Variants in KIAA1671 observed in about 807,000 individuals in gnomAD.
KIAA1671 encodes the protein uncharacterized protein KIAA1671.
Under a neutral mutation model 131.2 loss-of-function variants are expected in KIAA1671, and 52 were observed. The ratio of observed to expected loss-of-function variants is 0.40; its 90% confidence interval spans 0.32 to 0.50. The LOEUF is 0.50. Among genes scored for constraint, KIAA1671 ranks in the 20% least tolerant of loss-of-function variants. KIAA1671 has a pLI of 0.73. For missense variants in KIAA1671, 2,360 were observed against 2,364.2 expected (o/e 1.00, Z 0.04); for synonymous variants, 1,003 against 961.6 (o/e 1.04, Z -0.80).
At chr22:25,148,676 C>T (rs2145973326) in intron 6 of KIAA1671, among the ~76,000 whole-genome samples, 1 of 152,292 alleles carries the variant, frequency 6.6e-6, no homozygotes, top group South Asian at 2.1e-4. Flanking sequence ...TGGGAGCTTC[C>T]AGCTCACCTG....
chr22:25,158,231 A>C (rs1933310196), intron 6 of KIAA1671, among the ~76,000 whole-genome samples: 1 of 152,226 alleles, frequency 6.6e-6, no homozygotes, highest in African/African-American at 2.4e-5. Context: ...GTCTGGGTAA[A>C]TAGCAGTGTC....
chr22:25,172,347 C>T (rs183193809), intron 7 of KIAA1671, among the ~76,000 whole-genome samples: 80 of 152,292 alleles, frequency 5.3e-4, no homozygotes, highest in African/African-American at 1.9e-3. Context: ...TCGGGCCACC[C>T]CAGGAGCATG....
Position 25,194,818 on chromosome 22 carries a change from C to T in KIAA1671, c.*2417C>T, listed in dbSNP as rs568306787. On this transcript the variant is annotated 3_prime_UTR_variant, in exon 13 of 13. Transcript: ENST00000358431. ...AGAGCGACCCTCTTTCACGTGGGCT[C>T]TGCCATGACCTCTGAGACCTGCTTA... 14 of 152,290 alleles carry T rather than the reference C, an allele frequency of 9.2e-5. No homozygotes were observed. The highest frequency in any genetic ancestry group is 3.1e-4 in the African/African-American group (13 of 41,568). 9.4% of individuals were successfully genotyped at this position (152,290 alleles called of 1,614,324 possible).
chr22:25,061,131 T>G (rs1471681479), intron 6 of KIAA1671: 1 of 152,164 alleles, frequency 6.6e-6, no homozygotes. Flanking sequence ...AAAAAAAAAT[T>G]TTGTTTTTGT....
Position 25,047,394 on chromosome 22 carries a change from A to G in KIAA1671, c.4396-1836A>G, listed in dbSNP as rs1056324133. The stretch of plus-strand genomic sequence containing the variant: ...TTGAACTCCTGACCTCAAGTGATCA[A>G]CCTGCCTTGGCCTCCCAAAGTGCTA... On this transcript the variant is annotated intron_variant, in intron 5 of 12. Coordinates refer to ENST00000358431, the MANE Select transcript of KIAA1671 (RefSeq NM_001145206.2). Among the ~76,000 whole-genome samples the G allele has an allele frequency of 2.1e-4, 32 of 150,196 alleles. No homozygotes were observed. In the East Asian group the frequency reaches 5.1e-3, roughly 24 times the overall value.
rs1928065185 is a variant in KIAA1671, at chr22:25,059,913, C to T, written c.4530+10549C>T. On this transcript the variant is annotated intron_variant, in intron 6 of 12. Transcript: ENST00000358431. ...GAGGGCAAAGTCCCTTCCAAACTGC[C>T]TCAGAAATCCCTGATCTGGGGATTC... The T allele has an allele frequency of 2.6e-5, 4 of 152,198 alleles. No homozygotes were observed. The South Asian group carries it at 8.3e-4, about 31-fold the overall frequency. 9.4% of individuals were successfully genotyped at this position (152,198 alleles called of 1,614,324 possible). A position where few individuals can be genotyped will look rare whatever the true frequency, so the allele number is the denominator to read the frequency against.
chr22:25,177,326 T>C lies in KIAA1671; in HGVS notation c.4900-22T>C, dbSNP rs76823576. 1.2e-3 allele frequency: 1,915 copies of C among 1,533,500 alleles called. 4 individuals carry two copies. The highest frequency in any genetic ancestry group is 0.012 in the African/African-American group (859 of 72,420). The allele number at this position is 1,533,500 out of a possible 1,614,324, so 95.0% of individuals were successfully genotyped here. Reference sequence around the variant, plus strand: ...GATGGTTCCCTTGATTTTTTTCCTCTTCCTCCCTGCTGCTCCCAAAGCAAA... The same window carrying C: ...GATGGTTCCCTTGATTTTTTTCCTCCTCCTCCCTGCTGCTCCCAAAGCAAA... On this transcript the variant is annotated intron_variant, in intron 8 of 12. Coordinates refer to ENST00000358431, the MANE Select transcript of KIAA1671 (RefSeq NM_001145206.2).
chr22:25,082,432 C>G (rs1368715696), intron 6 of KIAA1671, among the ~76,000 whole-genome samples: 1 of 152,138 alleles, frequency 6.6e-6, no homozygotes, highest in East Asian at 1.9e-4. Flanking sequence ...TTGATTTTAT[C>G]ACTGTGATTG....
intron 6 of KIAA1671, among the ~76,000 whole-genome samples, chr22:25,160,865 C>T (rs1310421504): frequency 3.9e-5 from 6 of 152,240 alleles, no homozygotes; most frequent in Non-Finnish European, 5.9e-5. Flanking sequence ...TTGGCTTGTG[C>T]TGTAACCAGA....
At chr22:25,181,380 C>T (rs1373676158) in intron 9 of KIAA1671, among the ~76,000 whole-genome samples, 1 of 149,664 alleles carries the variant, frequency 6.7e-6, no homozygotes, top group African/African-American at 2.5e-5. Context: ...ATCTACTTTC[C>T]TGCCTCTGCC....
chr22:25,181,539 C>G (rs553510844), intron 9 of KIAA1671, among the ~76,000 whole-genome samples, 160 bp from the exon 10 acceptor site: 13 of 152,302 alleles, frequency 8.5e-5, no homozygotes, highest in Admixed American at 2.6e-4. Context: ...AGCATGAAAG[C>G]AGGCACCTTG....
At chr22:24,981,909 A>G (rs1437168157) in intron 1 of KIAA1671, among the ~76,000 whole-genome samples, 5 of 152,188 alleles carry the variant, frequency 3.3e-5, no homozygotes, top group African/African-American at 1.2e-4. Flanking sequence ...TCTGTCTAAC[A>G]TAAAAGGAAA....
intron 6 of KIAA1671, among the ~76,000 whole-genome samples, chr22:25,074,003 T>C (rs997755122): frequency 6.6e-6 from 1 of 152,154 alleles, no homozygotes; most frequent in Non-Finnish European, 1.5e-5. Context: ...CCTGCCCCAT[T>C]TTGTTTTTAT....
chr22:25,112,110 G>A, intron 6 of KIAA1671: 2 of 398,242 alleles, frequency 5.0e-6, no homozygotes, highest in Non-Finnish European at 8.8e-6. Context: ...AGAGGCAAGA[G>A]GACACTGGCG....
intron 6 of KIAA1671, among the ~76,000 whole-genome samples, chr22:25,121,152 G>C (rs191753441): frequency 6.6e-6 from 1 of 152,166 alleles, no homozygotes; most frequent in Non-Finnish European, 1.5e-5. Context: ...TTACGTTTTC[G>C]GATTTCATGA....
chr22:24,999,840 G>A (rs532341109), intron 1 of KIAA1671, among the ~76,000 whole-genome samples: 95 of 152,076 alleles, frequency 6.2e-4, no homozygotes, highest in African/African-American at 2.2e-3. Flanking sequence ...GATTATAGGC[G>A]TGAGCCATTA....
chr22:24,958,372 G>T (rs1921829265), intron 1 of KIAA1671, among the ~76,000 whole-genome samples: 1 of 152,078 alleles, frequency 6.6e-6, no homozygotes, highest in Non-Finnish European at 1.5e-5. Flanking sequence ...ATTTAAGACC[G>T]GGTGAGGTGG....
intron 6 of KIAA1671, among the ~76,000 whole-genome samples, chr22:25,115,202 A>G (rs1335353622): frequency 1.3e-5 from 2 of 152,162 alleles, no homozygotes; most frequent in African/African-American, 4.8e-5. Context: ...CACGCCTGGT[A>G]CTCCAGGTTT....
At chr22:24,980,701 CA>C (rs1159205310) in intron 1 of KIAA1671, among the ~76,000 whole-genome samples, 1 of 152,112 alleles carries the variant, frequency 6.6e-6, no homozygotes, top group Non-Finnish European at 1.5e-5. Context: ...CAACAGTGCA[CA>C]AGTGTTCCAA....
Sources: gnomAD v4.1 joint callset for allele counts (sites outside exome capture counted in the v4.1 genomes callset) on GRCh38, gnomAD v4.1.1 for gene constraint, MANE v1.5 for transcripts, NCBI Gene and HGNC (gene_info 2026-07-23, HGNC 2026-07-21) for gene names.